The following KMT2D variants were observed in gnomAD, a reference collection of about 807,000 sequenced individuals.
KMT2D encodes lysine methyltransferase 2D.
KMT2D carries 55 observed loss-of-function variants against 512.7 expected under a neutral mutation model. The ratio of observed to expected loss-of-function variants is 0.11; its 90% CI spans 0.09 to 0.13. KMT2D has a LOEUF of 0.13. Ranked by LOEUF, KMT2D falls within the 10% of genes least tolerant of loss-of-function variation. The pLI is 1.00. For synonymous variants in KMT2D, 2,995 were observed against 2,904.0 expected, an observed-to-expected ratio of 1.03 and a Z score of -1.01; for missense variants, 6,061 against 7,127.9, an observed-to-expected ratio of 0.85 and a Z score of 5.39.
rs1348233264 is a variant in KMT2D at position 49,038,687 on chromosome 12, G to C, written c.8669C>G (p.Pro2890Arg). The C allele has an allele frequency of 5.6e-6, 9 of 1,612,310 alleles. No homozygotes were observed. The highest frequency in any genetic ancestry group is 1.7e-5 in the Admixed American group (1 of 59,828). ...LRHNVQKGLG[P>R]GGTPFPGQGP... ...CTGACCAGGAAACGGAGTGCCCCCA[G>C]GTCCCAGTCCTTTCTGTACATTGTG... is the stretch of plus-strand genomic sequence containing the variant. Residue 2890 changes from proline (P) to arginine (R), a missense_variant, in exon 35 of 55, where the codon CCT (proline) becomes CGT (arginine). Transcript: ENST00000301067. The surrounding 1 kb of genome is among the most constrained non-coding windows in gnomAD (Gnocchi z 5.7).
Position 49,033,761 on chromosome 12 carries a change from C to T in KMT2D, c.10944G>A (p.Pro3648=), listed in dbSNP as rs375785266. The change falls in exon 40 of 55, where the codon CCG becomes CCA. Residue 3648 remains proline (P), a synonymous_variant. Coordinates refer to ENST00000301067, the MANE Select transcript of KMT2D (RefSeq NM_003482.4). ...GHGLQPPQGP[P]GGQAGGLRLT... Reference sequence around the variant, plus strand: ...GGCGAAGACCTCCGGCTTGCCCACCCGGAGGCCCCTGTGGTGGCTGCAGCC... The same window carrying T: ...GGCGAAGACCTCCGGCTTGCCCACCTGGAGGCCCCTGTGGTGGCTGCAGCC... 1.4e-5 allele frequency: 23 copies of T among 1,611,604 alleles called. No individual in the cohort carries two copies. Among genetic ancestry groups the T allele is most frequent in the South Asian group, 3.3e-5 (3 of 90,858 alleles).
chr12:49,027,979 AG>A (rs1447898866), intron 47 of KMT2D, 29 bp downstream of exon 47: 3 of 1,613,210 alleles, frequency 1.9e-6, no homozygotes, highest in Non-Finnish European at 2.5e-6. Context: ...ACTCCCCTCA[AG>A]TCCCAAAGGG....
chr12:49,045,056 A>G, intron 19 of KMT2D, 91 bp from the exon 20 acceptor site: 1 of 1,272,706 alleles, frequency 7.9e-7, no homozygotes. Flanking sequence ...AGCTGAGACA[A>G]AGGCAGTGAC....
Position 49,040,291 on chromosome 12 carries a change from C to T in KMT2D, c.7479G>A (p.Gly2493=), listed in dbSNP as rs10747559. Residue 2493 remains glycine (G), a synonymous_variant, in exon 32 of 55, where the codon GGG becomes GGA. Coordinates refer to ENST00000301067, the MANE Select transcript of KMT2D (RefSeq NM_003482.4). ...SLAHTSLGAG[G]FPAALPAGPA... is the part of the protein sequence containing the mutation. ...GCCCCGCGGGCAGGGCTGCTGGGAA[C>T]CCCCCAGCCCCCAGCGAAGTGTGGG... 1.6e-5 allele frequency: 25 copies of T among 1,599,178 alleles called. No homozygotes were observed. Among genetic ancestry groups the T allele is most frequent in the Middle Eastern group, 1.7e-4 (1 of 5,966 alleles).
intron 54 of KMT2D, 68 bp from the exon 55 acceptor site, chr12:49,021,940 G>A: frequency 2.6e-6 from 4 of 1,554,942 alleles, no homozygotes; most frequent in Non-Finnish European, 3.6e-6. Flanking sequence ...GAGAAGATAT[G>A]ATCTGAGGTG....
Position 49,032,220 on chromosome 12 carries a change from C to T in KMT2D, c.12485G>A (p.Arg4162Gln), listed in dbSNP as rs201078160. The change falls in exon 40 of 55, where the codon CGG becomes CAG. Residue 4162 changes from arginine to glutamine, a missense_variant. Arg to Gln is a conservative substitution (Grantham distance 43). Around this residue, in one of 16 missense-constraint regions of KMT2D, gnomAD observed 1,600 missense variants for 1,754.9 expected, o/e 0.91. Coordinates refer to ENST00000301067, the MANE Select transcript of KMT2D (RefSeq NM_003482.4). ...LLGPQQPMLE[R>Q]PMQNNTGPQP... Reference sequence around the variant, plus strand: ...TGGCCCTGTATTATTTTGCATGGGCCGCTCTAGCATGGGCTGTTGGGGGCC... The same window carrying T: ...TGGCCCTGTATTATTTTGCATGGGCTGCTCTAGCATGGGCTGTTGGGGGCC... The T allele has an allele frequency of 1.2e-4, 186 of 1,613,310 alleles. No homozygotes were observed. The highest frequency in any genetic ancestry group is 1.1e-3 in the East Asian group (49 of 44,870).
intron 1 of KMT2D, among the ~76,000 whole-genome samples, chr12:49,057,780 C>A (rs1938497042): frequency 6.6e-6 from 1 of 152,144 alleles, no homozygotes; most frequent in South Asian, 2.1e-4. Context: ...CACATACACA[C>A]CAAGGATTTT....
At chr12:49,058,248 T>C (rs1409292431) in intron 1 of KMT2D, among the ~76,000 whole-genome samples, 2 of 152,226 alleles carry the variant, frequency 1.3e-5, no homozygotes, top group East Asian at 3.9e-4. Flanking sequence ...CAGGGTGCAG[T>C]CCTACATAAG....
In KMT2D at chr12:49,019,056, C is replaced by T. The variant is rs541674205; in HGVS notation, c.*2724G>A. 3.6e-5 allele frequency: 49 copies of T among 1,354,690 alleles called. No individual in the cohort carries two copies. The highest frequency in any genetic ancestry group is 4.7e-5 in the Non-Finnish European group (49 of 1,052,796). The allele number at this position is 1,354,690 out of a possible 1,614,324, so 83.9% of individuals were successfully genotyped here. On this transcript the variant is annotated 3_prime_UTR_variant, in exon 55 of 55. Transcript: ENST00000301067. ...AAAATCCAAAACTTGCCCTTTGCCT[C>T]TCGCAACATAAATATGTACAGTTCA...
chr12:49,032,681 G>A lies in KMT2D; in HGVS notation c.12024C>T (p.His4008=), dbSNP rs1942984704. 2 of 1,613,742 alleles carry A rather than the reference G, an allele frequency of 1.2e-6. No individual in the cohort carries two copies. The highest frequency in any genetic ancestry group is 3.3e-5 in the Admixed American group (2 of 59,990). ...GACCCAGGGCTCCAGGGCTAGAAAA[G>A]TGTTGAAGAGGCTTTGCTGGCATGC... The part of the protein sequence containing the change: ...GPGMPAKPLQ[H]FSSPGALGPT... The change falls in exon 40 of 55, where the codon CAC becomes CAT. Residue 4008 remains histidine, a synonymous_variant. Coordinates refer to ENST00000301067, the MANE Select transcript of KMT2D (RefSeq NM_003482.4).
rs2120680932 is a variant in KMT2D, at chr12:49,052,083, T to C, written c.1600A>G (p.Thr534Ala). The C allele has an allele frequency of 6.2e-7, 1 of 1,608,538 alleles. No homozygotes were observed. Among genetic ancestry groups the C allele is most frequent in the South Asian group, 1.1e-5 (1 of 90,892 alleles). ...GCTTCAGGTGGTGGGGATAGAGGCG[T>C]CTCAAGTGCAGGAGATGGGGGTGAC... ...EESPPSPALE[T>A]PLSPPPEASP... The change falls in exon 11 of 55, where the codon ACG (threonine) becomes GCG (alanine). Residue 534 changes from threonine to alanine, a missense_variant. This residue lies in a region of KMT2D where 848 missense variants were observed against 838.5 expected (regional missense o/e 1.01). Coordinates refer to ENST00000301067, the MANE Select transcript of KMT2D (RefSeq NM_003482.4).
Position 49,050,872 on chromosome 12 carries a change from T to C in KMT2D, c.2797+14A>G. 6.5e-7 allele frequency: 1 copy of C among 1,542,480 alleles called. No individual in the cohort carries two copies. Among genetic ancestry groups the C allele is most frequent in the Non-Finnish European group, 8.8e-7 (1 of 1,141,668 alleles). On this transcript the variant is annotated intron_variant, in intron 11 of 54. Transcript: ENST00000301067. Reference sequence around the variant, plus strand: ...CAGCTGTTCCAGAATAACAGAGTACTAACATCCCCTTACCTGGTGGCATCA... The same window carrying C: ...CAGCTGTTCCAGAATAACAGAGTACCAACATCCCCTTACCTGGTGGCATCA...
At chr12:49,028,274 T>G (rs924165737) in intron 46 of KMT2D, 133 bp from the exon 47 acceptor site, 3 of 1,097,614 alleles carry the variant, frequency 2.7e-6, no homozygotes, top group Non-Finnish European at 3.9e-6. Context: ...GTCACCCAGC[T>G]CTTTTCATAC....
At position 49,049,675 on chromosome 12, in the gene KMT2D, C is replaced by T. The variant is rs2120637880; in HGVS notation, c.3906+7G>A. ...TAATCACATCCCGCAGCTAGATAGCCCCTCACCTGTTTGATGCGGGAACGG... is the reference window on the plus strand; with the variant it reads ...TAATCACATCCCGCAGCTAGATAGCTCCTCACCTGTTTGATGCGGGAACGG... On this transcript the variant is annotated splice_region_variant and intron_variant, in intron 12 of 54. Transcript: ENST00000301067. 1 of 1,571,420 alleles carries T rather than the reference C, an allele frequency of 6.4e-7. No individual in the cohort carries two copies.
chr12:49,029,203 G>A lies in KMT2D; in HGVS notation c.14109C>T (p.Asp4703=), dbSNP rs2120393873. 1 of 1,613,894 alleles carries A rather than the reference G, an allele frequency of 6.2e-7. No homozygotes were observed. Among genetic ancestry groups the A allele is most frequent in the Non-Finnish European group, 8.5e-7 (1 of 1,179,784 alleles). Residue 4703 remains aspartate (D), a synonymous_variant, in exon 45 of 55, where the codon GAC becomes GAT. Transcript: ENST00000301067. The part of the protein sequence containing the change: ...MESDEDSDSP[D]SIVPASSPES... Reference sequence around the variant, plus strand: ...CAGGGGATGAAGCTGGCACAATGCTGTCAGGAGAATCGCTATCCTCATCAC... The same window carrying A: ...CAGGGGATGAAGCTGGCACAATGCTATCAGGAGAATCGCTATCCTCATCAC...
At chr12:49,057,693 GT>G (rs1729692200) in intron 1 of KMT2D, among the ~76,000 whole-genome samples, 1 of 152,160 alleles carries the variant, frequency 6.6e-6, no homozygotes, top group African/African-American at 2.4e-5. Flanking sequence ...CTGATTCCCA[GT>G]TAATAGGCCC....
chr12:49,040,919 G>C lies in KMT2D; in HGVS notation c.6851C>G (p.Ala2284Gly), dbSNP rs1943484728. The change falls in exon 32 of 55, where the codon GCC (alanine) becomes GGC (glycine). Residue 2284 changes from alanine (A) to glycine (G), a missense_variant. Transcript: ENST00000301067. ...AAGCTCTTCCTTCTTCACCTCTAGG[G>C]CCTTCCGGGACTCCCCAAAAGGTGG... ...SPPPFGESRK[A>G]LEVKKEELGA... 1 of 1,613,692 alleles carries C rather than the reference G, an allele frequency of 6.2e-7. No homozygotes were observed. The highest frequency in any genetic ancestry group is 1.3e-5 in the African/African-American group (1 of 74,914).
Position 49,037,163 on chromosome 12 carries a change from A to G in KMT2D, c.10193T>C (p.Met3398Thr), listed in dbSNP as rs774540578. The change falls in exon 35 of 55, where the codon ATG becomes ACG. Residue 3398 changes from methionine to threonine, a missense_variant. Met to Thr is a moderately conservative substitution (Grantham distance 81, BLOSUM62 -1). Around this residue, in one of 16 missense-constraint regions of KMT2D, gnomAD observed 533 missense variants for 539.6 expected, o/e 0.99. Coordinates refer to ENST00000301067, the MANE Select transcript of KMT2D (RefSeq NM_003482.4). The stretch of plus-strand genomic sequence containing the variant: ...GAAGCTGTTTGCCAGCTGCTGCTGC[A>G]TTGCCAATTGCTGCGGCTTCATGCA... The part of the protein sequence containing the change: ...SMCMKPQQLA[M>T]QQQLANSFFP... 6.3e-7 allele frequency: 1 copy of G among 1,591,676 alleles called. No individual in the cohort carries two copies. Among genetic ancestry groups the G allele is most frequent in the Non-Finnish European group, 8.6e-7 (1 of 1,163,822 alleles).
Position 49,037,513 on chromosome 12 carries a change from C to CTGCTGCTGT in KMT2D, c.9834_9842dup (p.Gln3280_Gln3282dup), listed in dbSNP as rs1735446350. ...CTGGTGCAGACAGTAGGGAATGCTG[C>CTGCTGCTGT]TGCTGCTGTTGCTGCTGCTGCTGGG... On this transcript the variant is annotated inframe_insertion, in exon 35 of 55. Coordinates refer to ENST00000301067, the MANE Select transcript of KMT2D (RefSeq NM_003482.4). The CTGCTGCTGT allele has an allele frequency of 6.4e-7, 1 of 1,556,888 alleles. No homozygotes were observed. Among genetic ancestry groups the CTGCTGCTGT allele is most frequent in the African/African-American group, 1.4e-5 (1 of 73,406 alleles).
Sources: gnomAD v4.1 joint callset for allele counts (sites outside exome capture counted in the v4.1 genomes callset) on GRCh38, gnomAD v4.1.1 for gene constraint, gnomAD v4.1.1 regional missense constraint, Gnocchi (gnomAD v3.1) non-coding constraint, MANE v1.5 for transcripts, NCBI Gene and HGNC (gene_info 2026-07-23, HGNC 2026-07-21) for gene names.